STARD13: variants seen among roughly 807,000 people sequenced by gnomAD.
STARD13 encodes the protein StAR related lipid transfer domain containing 13, also known as stAR-related lipid transfer protein 13.
In STARD13, 62 loss-of-function variants were observed where a neutral mutation model predicts 106.4. The observed-to-expected ratio is 0.58, with a 90% confidence interval of 0.48 to 0.72. The LOEUF is 0.72. Among genes scored for constraint, STARD13 ranks in the 30% least tolerant of loss-of-function variants. The pLI is 0.00. For missense variants in STARD13, 1,387 were observed against 1,424.0 expected (o/e 0.97, Z 0.42); for synonymous variants, 565 against 553.0 (o/e 1.02, Z -0.31).
intron 1 of STARD13, among the ~76,000 whole-genome samples, chr13:33,194,988 A>G (rs891423246): frequency 2.6e-5 from 4 of 152,300 alleles, no homozygotes; most frequent in Admixed American, 6.5e-5. Flanking sequence ...AAGAACTCAT[A>G]TTTTCCCATG....
chr13:33,334,550 C>T (rs2077872893), intron 1 of STARD13, among the ~76,000 whole-genome samples: 1 of 152,292 alleles, frequency 6.6e-6, no homozygotes, highest in Non-Finnish European at 1.5e-5. Flanking sequence ...AGGGCCGGTC[C>T]TCCTGCCCTC....
chr13:33,108,486 T>C (rs1057406379), intron 12 of STARD13, among the ~76,000 whole-genome samples: 1 of 152,192 alleles, frequency 6.6e-6, no homozygotes, highest in Non-Finnish European at 1.5e-5. Flanking sequence ...CCTTACTATC[T>C]CCCTATCTTA....
At chr13:33,547,924 G>A in the STARD13 span, among the ~76,000 whole-genome samples, 4 of 152,078 alleles carry the variant, frequency 2.6e-5, no homozygotes, top group Non-Finnish European at 5.9e-5. Context: ...TAGGAAGAAG[G>A]AATACTAGTT....
intron 1 of STARD13, among the ~76,000 whole-genome samples, chr13:33,324,575 A>G (rs998795555): frequency 2.4e-4 from 37 of 152,206 alleles, no homozygotes; most frequent in Non-Finnish European, 4.7e-4. Flanking sequence ...TTAAAAAACA[A>G]TTTGAAAATA....
chr13:33,126,944 T>C (rs1245702443), intron 6 of STARD13, among the ~76,000 whole-genome samples: 4 of 152,212 alleles, frequency 2.6e-5, no homozygotes, highest in South Asian at 2.1e-4. Flanking sequence ...GCCAATGAAA[T>C]AAAAGCAGAA....
the STARD13 span, among the ~76,000 whole-genome samples, chr13:33,504,499 G>A: frequency 2.6e-5 from 4 of 151,400 alleles, no homozygotes; most frequent in South Asian, 2.1e-4. Context: ...GCAAACTATC[G>A]CAAGGCCAGA....
chr13:33,133,809 A>C (rs1566013502), intron 4 of STARD13, among the ~76,000 whole-genome samples: 1 of 152,214 alleles, frequency 6.6e-6, no homozygotes, highest in Non-Finnish European at 1.5e-5. Flanking sequence ...CTGCAGTATG[A>C]AAAACACATT....
At chr13:33,528,243 C>CATATATATATACATATAT in the STARD13 span, among the ~76,000 whole-genome samples, 3 of 93,482 alleles carry the variant, frequency 3.2e-5, no homozygotes, top group African/African-American at 1.2e-4. Flanking sequence ...TATATATATA[C>CATATATATATACATATAT]ATATATATAT....
intron 1 of STARD13, among the ~76,000 whole-genome samples, chr13:33,291,697 T>C (rs748941991): frequency 2.6e-5 from 4 of 152,244 alleles, no homozygotes; most frequent in Non-Finnish European, 5.9e-5. Context: ...GAAAAGAAAT[T>C]TACCACTATA....
At chr13:33,416,398 G>T in the STARD13 span, among the ~76,000 whole-genome samples, 1 of 152,220 alleles carries the variant, frequency 6.6e-6, no homozygotes, top group Non-Finnish European at 1.5e-5. Context: ...ATGAGATAAG[G>T]AACTGTATTC....
intron 12 of STARD13, among the ~76,000 whole-genome samples, chr13:33,109,295 G>C (rs944365231): frequency 1.3e-5 from 2 of 152,144 alleles, no homozygotes; most frequent in African/African-American, 4.8e-5. Context: ...CAAACCCCAA[G>C]AACAGGGGTC....
the STARD13 span, among the ~76,000 whole-genome samples, chr13:33,378,373 C>G: frequency 6.6e-6 from 1 of 152,196 alleles, no homozygotes; most frequent in Non-Finnish European, 1.5e-5. Flanking sequence ...CTCCTCTTCC[C>G]ACCTGCATTA....
chr13:33,579,598 C>G, the STARD13 span, among the ~76,000 whole-genome samples: 1 of 150,494 alleles, frequency 6.6e-6, no homozygotes, highest in Non-Finnish European at 1.5e-5. Flanking sequence ...GCCTATGTAA[C>G]CAAAAACCAC....
chr13:33,358,498 C>T, the STARD13 span, among the ~76,000 whole-genome samples: 50 of 152,322 alleles, frequency 3.3e-4, no homozygotes, highest in East Asian at 9.3e-3. Flanking sequence ...ATTGTAAATA[C>T]ACCAATCAGC....
At chr13:33,512,481 T>C in the STARD13 span, among the ~76,000 whole-genome samples, 1 of 152,118 alleles carries the variant, frequency 6.6e-6, no homozygotes, top group Non-Finnish European at 1.5e-5. Flanking sequence ...TTTTTCTTTT[T>C]TTTGAGGCGA....
chr13:33,301,159 C>G (rs1892694117), intron 1 of STARD13, among the ~76,000 whole-genome samples: 1 of 152,204 alleles, frequency 6.6e-6, no homozygotes, highest in African/African-American at 2.4e-5. Context: ...ATTATTGTAT[C>G]ACAGCATTTA....
chr13:33,157,697 A>G (rs999121410), intron 3 of STARD13, among the ~76,000 whole-genome samples: 1 of 152,212 alleles, frequency 6.6e-6, no homozygotes, highest in African/African-American at 2.4e-5. Flanking sequence ...AAAGAAATTC[A>G]GAGATCATCT....
At chr13:33,214,433 G>C (rs1006076097) in intron 1 of STARD13, among the ~76,000 whole-genome samples, 2 of 152,082 alleles carry the variant, frequency 1.3e-5, no homozygotes, top group Admixed American at 1.3e-4. Flanking sequence ...ATTTGCTAAC[G>C]TATTTGACTT....
At chr13:33,656,539 G>A in the STARD13 span, among the ~76,000 whole-genome samples, 16 of 152,250 alleles carry the variant, frequency 1.1e-4, no homozygotes, top group South Asian at 2.7e-3. Context: ...TCTAGCTCTC[G>A]TTCCTCATTG....
Sources: allele counts gnomAD v4.1 joint callset (sites outside exome capture counted in the v4.1 genomes callset), GRCh38; gene constraint gnomAD v4.1.1; transcripts MANE v1.5; gene names NCBI Gene and HGNC (gene_info 2026-07-23, HGNC 2026-07-21).